The following PCDH9 variants were observed in gnomAD, a reference collection of about 807,000 sequenced individuals.
The protein encoded by PCDH9 is protocadherin 9, also known as protocadherin-9.
In PCDH9, 24 loss-of-function variants were observed where a neutral mutation model predicts 70.6. The observed-to-expected ratio is 0.34, with a 90% CI of 0.25 to 0.48. PCDH9 has a LOEUF of 0.48. Ranked by LOEUF, PCDH9 falls within the 20% of genes least tolerant of loss-of-function variation. The pLI, the probability that PCDH9 is intolerant of heterozygous loss-of-function variation, is 0.99. For missense variants in PCDH9, 1,281 were observed against 1,503.6 expected, an observed-to-expected ratio of 0.85 and a Z score of 2.45; for synonymous variants, 562 against 558.5, an observed-to-expected ratio of 1.01 and a Z score of -0.09.
chr13:66,922,266 TA>T (rs2082648851), intron 2 of PCDH9, among the ~76,000 whole-genome samples: 1 of 151,388 alleles, frequency 6.6e-6, no homozygotes, highest in Non-Finnish European at 1.5e-5. Context: ...TGATATTATA[TA>T]AAATACATAT....
intron 3 of PCDH9, among the ~76,000 whole-genome samples, chr13:66,768,032 C>T (rs2079746403): frequency 6.6e-6 from 1 of 152,042 alleles, no homozygotes; most frequent in African/African-American, 2.4e-5. Flanking sequence ...ATTGAGCAAG[C>T]TCTAGAGTCA....
chr13:67,181,949 T>G (rs2088627426), intron 2 of PCDH9, among the ~76,000 whole-genome samples: 1 of 152,160 alleles, frequency 6.6e-6, no homozygotes, highest in Admixed American at 6.5e-5. Flanking sequence ...GACACTACAG[T>G]CCCCAGTCTG....
intron 2 of PCDH9, among the ~76,000 whole-genome samples, chr13:66,916,046 A>G (rs2082552374): frequency 6.6e-6 from 1 of 151,558 alleles, no homozygotes; most frequent in South Asian, 2.1e-4. Flanking sequence ...TCTGTTATAG[A>G]TGAGGAAATG....
intron 2 of PCDH9, among the ~76,000 whole-genome samples, chr13:66,908,765 A>C (rs1199497076): frequency 6.6e-6 from 1 of 151,704 alleles, no homozygotes. Flanking sequence ...TTTTTTGCTT[A>C]TTTTTGTTAT....
chr13:66,459,782 CA>C (rs1033805928), intron 4 of PCDH9, among the ~76,000 whole-genome samples: 1 of 151,952 alleles, frequency 6.6e-6, no homozygotes, highest in Non-Finnish European at 1.5e-5. Context: ...ATCTGCATCT[CA>C]TATCAGATTC....
At chr13:66,897,514 G>C (rs1306808242) in intron 3 of PCDH9, among the ~76,000 whole-genome samples, 1 of 151,910 alleles carries the variant, frequency 6.6e-6, no homozygotes, top group Non-Finnish European at 1.5e-5. Context: ...TGTAGTAGAG[G>C]GTTGATCAAA....
chr13:67,178,235 C>T (rs1417361747), intron 2 of PCDH9, among the ~76,000 whole-genome samples: 1 of 152,024 alleles, frequency 6.6e-6, no homozygotes, highest in African/African-American at 2.4e-5. Context: ...GAAAAAGATA[C>T]TATGAAAGTT....
intron 2 of PCDH9, among the ~76,000 whole-genome samples, chr13:67,127,436 T>C (rs1457707397): frequency 1.3e-5 from 2 of 152,172 alleles, no homozygotes; most frequent in Non-Finnish European, 2.9e-5. Flanking sequence ...CCAGTCTAAG[T>C]ATACATCTCT....
intron 2 of PCDH9, among the ~76,000 whole-genome samples, chr13:66,948,169 G>A (rs897382376): frequency 3.9e-5 from 6 of 152,216 alleles, no homozygotes; most frequent in Non-Finnish European, 5.9e-5. Flanking sequence ...TGGAGAAATG[G>A]TCTGTTCATC....
chr13:66,779,356 C>A (rs902995159), intron 3 of PCDH9, among the ~76,000 whole-genome samples: 1 of 152,084 alleles, frequency 6.6e-6, no homozygotes, highest in Admixed American at 6.6e-5. Context: ...GAGATGAATA[C>A]ATAAAATAAT....
chr13:67,154,704 T>TA (rs2087764470), intron 2 of PCDH9, among the ~76,000 whole-genome samples: 1 of 105,746 alleles, frequency 9.5e-6, no homozygotes, highest in African/African-American at 3.0e-5. Flanking sequence ...TGATCTGTAA[T>TA]CTTTTTTTTT....
chr13:66,712,726 A>G (rs2078812099), intron 3 of PCDH9, among the ~76,000 whole-genome samples: 1 of 152,090 alleles, frequency 6.6e-6, no homozygotes, highest in Non-Finnish European at 1.5e-5. Context: ...AGAATTGTGG[A>G]ACTATTGATG....
chr13:66,773,928 C>T (rs958042267), intron 3 of PCDH9, among the ~76,000 whole-genome samples: 1 of 151,658 alleles, frequency 6.6e-6, no homozygotes, highest in Non-Finnish European at 1.5e-5. Flanking sequence ...CAGGAAACTG[C>T]CACCAAGCCC....
chr13:66,510,499 A>C (rs1261042701), intron 4 of PCDH9, among the ~76,000 whole-genome samples: 2 of 151,968 alleles, frequency 1.3e-5, no homozygotes, highest in Non-Finnish European at 2.9e-5. Context: ...TCCTAATGCT[A>C]TCTGTCCCTC....
At chr13:66,919,735 C>A (rs999276910) in intron 2 of PCDH9, among the ~76,000 whole-genome samples, 1 of 151,030 alleles carries the variant, frequency 6.6e-6, no homozygotes, top group African/African-American at 2.4e-5. Context: ...AGGCCTCAAT[C>A]TCCCTATGGG....
chr13:66,632,345 G>A lies in PCDH9; in HGVS notation c.3139-934C>T, dbSNP rs374180550. 3.1e-3 allele frequency among the ~76,000 whole-genome samples: 465 copies of A among 152,294 alleles called. 2 individuals are homozygous for A. The highest frequency in any genetic ancestry group is 0.011 in the African/African-American group (442 of 41,572). Reference sequence around the variant, plus strand: ...AGTATTTTAAATAATGAAGTTCTATGCAATTGCTATTGATATACATAAAAA... The same window carrying A: ...AGTATTTTAAATAATGAAGTTCTATACAATTGCTATTGATATACATAAAAA... On this transcript the variant is annotated intron_variant, in intron 3 of 4. Coordinates refer to ENST00000377865, the MANE Select transcript of PCDH9 (RefSeq NM_203487.3).
At chr13:66,858,424 C>T (rs1243366559) in intron 3 of PCDH9, among the ~76,000 whole-genome samples, 3 of 152,112 alleles carry the variant, frequency 2.0e-5, no homozygotes, top group Non-Finnish European at 4.4e-5. Context: ...GCCTGTATTT[C>T]TGTCTTTTCA....
At chr13:67,114,802 T>C (rs2086727070) in intron 2 of PCDH9, among the ~76,000 whole-genome samples, 1 of 152,226 alleles carries the variant, frequency 6.6e-6, no homozygotes, top group Non-Finnish European at 1.5e-5. Flanking sequence ...TCAGAAAATT[T>C]GGTGCTAGAT....
chr13:67,133,167 A>C (rs2087148139), intron 2 of PCDH9, among the ~76,000 whole-genome samples: 1 of 152,080 alleles, frequency 6.6e-6, no homozygotes, highest in African/African-American at 2.4e-5. Context: ...CAAAACATAA[A>C]ATATAAAATA....
Sources: gnomAD v4.1 joint callset for allele counts (sites outside exome capture counted in the v4.1 genomes callset) on GRCh38, gnomAD v4.1.1 for gene constraint, MANE v1.5 for transcripts, NCBI Gene and HGNC (gene_info 2026-07-23, HGNC 2026-07-21) for gene names.